Variants in SPATA16 observed in about 807,000 individuals in gnomAD.
SPATA16 encodes spermatogenesis associated 16.
A neutral mutation model predicts 63.3 loss-of-function variants in SPATA16; 36 were observed. That is an observed-to-expected ratio of 0.57 (90% CI 0.44 to 0.75). SPATA16 has a LOEUF of 0.75. Ranked by LOEUF, SPATA16 falls within the 30% of genes least tolerant of loss-of-function variation. The probability of loss-of-function intolerance (pLI) is 0.00; values close to 1 mark genes in which losing one functional copy is unlikely to be tolerated. For synonymous variants in SPATA16, 203 were observed against 216.7 expected (o/e 0.94, Z 0.56); for missense variants, 646 against 679.3 (o/e 0.95, Z 0.54).
chr3:173,047,313 A>G (rs1161549774), intron 3 of SPATA16, among the ~76,000 whole-genome samples: 2 of 151,452 alleles, frequency 1.3e-5, no homozygotes, highest in Non-Finnish European at 3.0e-5. Context: ...CCCTTTTATT[A>G]TTAAATACGA....
At chr3:173,129,532 A>G (rs937125640) in intron 1 of SPATA16, among the ~76,000 whole-genome samples, 1 of 151,960 alleles carries the variant, frequency 6.6e-6, no homozygotes, top group African/African-American at 2.4e-5. Flanking sequence ...TGTGCTCTCT[A>G]TATATCCTAC....
intron 6 of SPATA16, among the ~76,000 whole-genome samples, chr3:172,955,598 G>A (rs557512205): frequency 2.5e-4 from 38 of 151,942 alleles, no homozygotes; most frequent in African/African-American, 8.7e-4. Context: ...TTACTATTCT[G>A]TTATCACTAG....
intron 5 of SPATA16, among the ~76,000 whole-genome samples, chr3:172,971,133 C>A (rs980461786): frequency 5.3e-5 from 8 of 152,114 alleles, no homozygotes; most frequent in East Asian, 1.9e-4. Context: ...GAACTTGGAA[C>A]TTCCATGAAG....
intron 2 of SPATA16, among the ~76,000 whole-genome samples, chr3:173,116,555 A>G (rs560259726): frequency 3.3e-5 from 5 of 152,334 alleles, no homozygotes; most frequent in African/African-American, 1.2e-4. Context: ...ACAGATAGGA[A>G]GATAATTATT....
At chr3:173,015,018 G>T (rs1382977556) in intron 4 of SPATA16, among the ~76,000 whole-genome samples, 2 of 151,206 alleles carry the variant, frequency 1.3e-5, no homozygotes, top group African/African-American at 4.9e-5. Context: ...CCCTTATCTA[G>T]CCCATGCATG....
chr3:173,055,111 A>G (rs1426047457), intron 2 of SPATA16, among the ~76,000 whole-genome samples: 1 of 152,226 alleles, frequency 6.6e-6, no homozygotes, highest in African/African-American at 2.4e-5. Context: ...CACACTGGCT[A>G]AAATAAAACA....
intron 4 of SPATA16, among the ~76,000 whole-genome samples, chr3:173,016,504 T>C (rs1340205436): frequency 2.7e-4 from 41 of 152,242 alleles, no homozygotes; most frequent in Admixed American, 2.7e-3. Context: ...GGCTGATGCA[T>C]TTCCTTTGGA....
chr3:173,014,903 C>T (rs1735146536), intron 4 of SPATA16, among the ~76,000 whole-genome samples: 1 of 152,148 alleles, frequency 6.6e-6, no homozygotes, highest in South Asian at 2.1e-4. Context: ...TGGTCTCCAG[C>T]TCACTGTAGT....
At chr3:172,940,001 A>T (rs9845116) in intron 6 of SPATA16, among the ~76,000 whole-genome samples, 3,108 of 152,280 alleles carry the variant, frequency 0.02, 95 homozygotes, top group African/African-American at 0.066. Context: ...ATAAAAACCC[A>T]TAAAAGTTGG....
chr3:172,965,074 C>T (rs1733883460), intron 5 of SPATA16, among the ~76,000 whole-genome samples: 1 of 152,172 alleles, frequency 6.6e-6, no homozygotes, highest in Admixed American at 6.5e-5. Context: ...TGAGTCTTCA[C>T]CTGTGCGTTG....
intron 4 of SPATA16, among the ~76,000 whole-genome samples, chr3:172,986,657 T>G (rs1160194368): frequency 6.6e-6 from 1 of 152,120 alleles, no homozygotes; most frequent in African/African-American, 2.4e-5. Context: ...AAGTACTATC[T>G]TGCTGCATTT....
chr3:172,926,474 T>A (rs901832746), intron 6 of SPATA16, among the ~76,000 whole-genome samples: 1 of 152,230 alleles, frequency 6.6e-6, no homozygotes, highest in African/African-American at 2.4e-5. Context: ...TTGGTGCTAT[T>A]GTCCTCACTT....
intron 3 of SPATA16, among the ~76,000 whole-genome samples, chr3:173,023,729 A>G (rs1458938703): frequency 6.6e-6 from 1 of 151,646 alleles, no homozygotes; most frequent in Non-Finnish European, 1.5e-5. Flanking sequence ...TTTACTAATT[A>G]CTTGTAATAT....
intron 1 of SPATA16, among the ~76,000 whole-genome samples, chr3:173,123,289 A>G (rs76638847): frequency 0.011 from 1,630 of 152,342 alleles, 27 homozygotes; most frequent in African/African-American, 0.037. Context: ...TATTTTCATA[A>G]TAAAGAAACC....
intron 1 of SPATA16, among the ~76,000 whole-genome samples, chr3:173,139,825 A>T (rs1738658367): frequency 6.6e-6 from 1 of 152,162 alleles, no homozygotes; most frequent in South Asian, 2.1e-4. Context: ...GTCTCTACTA[A>T]AAATACAAAA....
intron 2 of SPATA16, among the ~76,000 whole-genome samples, chr3:173,081,536 T>G (rs1364786131): frequency 6.6e-6 from 1 of 151,498 alleles, no homozygotes; most frequent in East Asian, 1.9e-4. Flanking sequence ...AAGAGGAGAG[T>G]TTGTGATAAA....
chr3:173,123,457 GT>G (rs548645411), intron 1 of SPATA16, among the ~76,000 whole-genome samples: 12 of 149,042 alleles, frequency 8.1e-5, no homozygotes, highest in Middle Eastern at 3.4e-3. Flanking sequence ...TACTTTAAAA[GT>G]TTTTTTTTTA....
At chr3:173,049,161 A>T in intron 2 of SPATA16, 67 bp from the exon 3 acceptor site, 2 of 1,502,878 alleles carry the variant, frequency 1.3e-6, no homozygotes, top group Non-Finnish European at 9.0e-7. Flanking sequence ...TAAATAAGCA[A>T]AACATGTGTA....
chr3:173,074,707 A>T (rs578041604), intron 2 of SPATA16, among the ~76,000 whole-genome samples: 2 of 152,044 alleles, frequency 1.3e-5, no homozygotes, highest in Non-Finnish European at 2.9e-5. Flanking sequence ...GACACTGGGG[A>T]CTGATAGATG....
Sources: gnomAD v4.1 joint callset for allele counts (sites outside exome capture counted in the v4.1 genomes callset) on GRCh38, gnomAD v4.1.1 for gene constraint, MANE v1.5 for transcripts, NCBI Gene and HGNC (gene_info 2026-07-23, HGNC 2026-07-21) for gene names.